The following SYNE1 variants were observed in gnomAD, a reference collection of about 807,000 sequenced individuals.
The protein encoded by SYNE1 is nesprin-1.
In SYNE1, 616 loss-of-function variants were observed where a neutral mutation model predicts 1,111.0. The observed-to-expected ratio is 0.55, with a 90% CI of 0.52 to 0.59. The LOEUF (loss-of-function observed/expected upper bound fraction) is 0.59. Ranked by LOEUF, SYNE1 falls within the 20% of genes least tolerant of loss-of-function variation. The pLI is 0.00. For missense variants in SYNE1, 10,006 were observed against 10,417.0 expected (o/e 0.96, Z 1.72); for synonymous variants, 3,855 against 3,825.8 (o/e 1.01, Z -0.28).
At chr6:152,318,326 G>A (rs1435699510) in intron 85 of SYNE1, 63 bp from the exon 86 acceptor site, 59 of 1,575,590 alleles carry the variant, frequency 3.7e-5, no homozygotes, top group Middle Eastern at 3.3e-4. Context: ...CAGGTTTCCC[G>A]AGATCAGACT....
chr6:152,147,970 T>A, intron 137 of SYNE1, 75 bp downstream of exon 137: 1 of 1,241,998 alleles, frequency 8.1e-7, no homozygotes, highest in Non-Finnish European at 1.2e-6. Context: ...TCTGGATAGC[T>A]GTCATGTTTC....
chr6:152,423,977 T>C (rs1173123410), intron 39 of SYNE1, among the ~76,000 whole-genome samples: 1 of 152,222 alleles, frequency 6.6e-6, no homozygotes, highest in Non-Finnish European at 1.5e-5. Context: ...CCCTGTTTTG[T>C]TGTCTTCATA....
chr6:152,580,603 T>C (rs1245032198), intron 3 of SYNE1, among the ~76,000 whole-genome samples: 1 of 152,206 alleles, frequency 6.6e-6, no homozygotes, highest in Non-Finnish European at 1.5e-5. Flanking sequence ...ATGTCTAGAA[T>C]AGTATTTCTT....
rs1490708968 is a variant in SYNE1, at chr6:152,336,862, C to G, written c.12507G>C (p.Gln4169His). ...RHSELELNIA[Q>H]NMVSQVKDFV... ...CCACCTTAACTTGTGAAACCATGTT[C>G]TGTGCAATGTTCAGCTCCAGCTCAG... Residue 4169 changes from glutamine (Q) to histidine (H), a missense_variant, in exon 76 of 146, where the codon CAG becomes CAC. Gln to His is a conservative substitution (Grantham distance 24). Transcript: ENST00000367255. 1 of 1,613,874 alleles carries G rather than the reference C, an allele frequency of 6.2e-7. No individual in the cohort carries two copies. Among genetic ancestry groups the G allele is most frequent in the East Asian group, 2.2e-5 (1 of 44,888 alleles).
chr6:152,302,092 T>G, intron 91 of SYNE1, 29 bp from the exon 92 acceptor site: 1 of 1,613,798 alleles, frequency 6.2e-7, no homozygotes, highest in Non-Finnish European at 8.5e-7. Context: ...CACCGGGGTG[T>G]CAGAGCAGCA....
chr6:152,224,776 T>C, intron 116 of SYNE1, 112 bp from the exon 117 acceptor site: 1 of 1,123,854 alleles, frequency 8.9e-7, no homozygotes, highest in Non-Finnish European at 1.3e-6. Flanking sequence ...GGGTTTCAGG[T>C]ATCATAAACA....
chr6:152,135,346 G>T, intron 141 of SYNE1, 114 bp from the exon 142 acceptor site: 2 of 1,155,902 alleles, frequency 1.7e-6, no homozygotes, highest in Non-Finnish European at 2.5e-6. Context: ...GAACATACAT[G>T]CAACTCCTTT....
At chr6:152,339,218 A>T (rs1360800399) in intron 75 of SYNE1, 23 bp downstream of exon 75, 6 of 1,612,264 alleles carry the variant, frequency 3.7e-6, no homozygotes, top group Middle Eastern at 1.7e-4. Context: ...AAACAAATTC[A>T]ATGTGATTTT....
rs146280967 is a variant in SYNE1, at chr6:152,189,385, C to T, written c.23168G>A (p.Ser7723Asn). Reference protein sequence around the residue: ...RCKELENAVGSWTDDLTQLSL... With the variant: ...RCKELENAVGNWTDDLTQLSL... The stretch of plus-strand genomic sequence containing the variant: ...CAACTGGGTCAAGTCATCTGTCCAG[C>T]TCCCAACTGCATTTTCTAATTCCTA... Residue 7723 changes from serine (S) to asparagine (N), a missense_variant, in exon 128 of 146, where the codon AGC becomes AAC. By Grantham distance (46) the Ser-to-Asn change is conservative. Around this residue, in one of 7 missense-constraint regions of SYNE1, gnomAD observed 2,182 missense variants for 2,287.8 expected, o/e 0.95. Transcript: ENST00000367255. 27 of 1,613,992 alleles carry T rather than the reference C, an allele frequency of 1.7e-5. No homozygotes were observed. Among genetic ancestry groups the T allele is most frequent in the African/African-American group, 9.3e-5 (7 of 74,918 alleles).
chr6:152,630,682 T>G (rs2099696482), intron 2 of SYNE1, among the ~76,000 whole-genome samples: 1 of 152,234 alleles, frequency 6.6e-6, no homozygotes, highest in African/African-American at 2.4e-5. Context: ...TATCTGCATG[T>G]ATGTTAAAGA....
Position 152,534,199 on chromosome 6 carries a change from AATG to A in SYNE1, c.129+5758_129+5760del, listed in dbSNP as rs201102861. Among the ~76,000 whole-genome samples, 823 of 148,910 alleles carry A rather than the reference AATG, an allele frequency of 5.5e-3. 6 individuals carry two copies. The highest frequency in any genetic ancestry group is 0.019 in the African/African-American group (769 of 40,888). On this transcript the variant is annotated intron_variant, in intron 4 of 145. Transcript: ENST00000367255. Reference sequence around the variant, plus strand: ...GAATGAATGAATGAATGAATGAATGAATGAATAAATAAATAAATAAAATAATAT... The same window carrying A: ...GAATGAATGAATGAATGAATGAATGAAATAAATAAATAAATAAAATAATAT...
intron 3 of SYNE1, among the ~76,000 whole-genome samples, chr6:152,622,717 C>T (rs368383021): frequency 1.3e-5 from 2 of 152,226 alleles, no homozygotes; most frequent in Admixed American, 6.5e-5. Context: ...AGTAGTGCTG[C>T]GATGAACATA....
intron 3 of SYNE1, among the ~76,000 whole-genome samples, chr6:152,583,087 G>A (rs2099525891): frequency 6.6e-6 from 1 of 152,102 alleles, no homozygotes; most frequent in South Asian, 2.1e-4. Flanking sequence ...TATTGACAAA[G>A]ACCAATAAAT....
chr6:152,192,279 A>G, intron 127 of SYNE1, among the ~76,000 whole-genome samples: 1 of 139,064 alleles, frequency 7.2e-6, no homozygotes, highest in East Asian at 2.1e-4. Flanking sequence ...TGCAGTGCAG[A>G]TTAACTCCAG....
At chr6:152,451,275 G>A in intron 25 of SYNE1, 70 bp from the exon 26 acceptor site, 1 of 1,466,124 alleles carries the variant, frequency 6.8e-7, no homozygotes. Flanking sequence ...AATTGAAGTG[G>A]CAAAAAAAAA....
intron 135 of SYNE1, among the ~76,000 whole-genome samples, chr6:152,150,769 C>T (rs751280050): frequency 2.0e-5 from 3 of 152,110 alleles, no homozygotes; most frequent in Non-Finnish European, 4.4e-5. Flanking sequence ...GTGAAAAATA[C>T]AAAATGTGTT....
At chr6:152,434,133 CTGAGAA>C (rs1463439318) in intron 33 of SYNE1, 188 bp from the exon 34 acceptor site, 9 of 602,106 alleles carry the variant, frequency 1.5e-5, no homozygotes, top group African/African-American at 1.5e-4. Context: ...CCTATCTTCT[CTGAGAA>C]TGAACATTTA....
At chr6:152,238,335 C>T (rs546614048) in intron 108 of SYNE1, among the ~76,000 whole-genome samples, 1 of 152,150 alleles carries the variant, frequency 6.6e-6, no homozygotes, top group African/African-American at 2.4e-5. Context: ...TGCTCCCAGA[C>T]TCATTGCTGA....
Position 152,484,901 on chromosome 6 carries a change from G to A in SYNE1, c.1119C>T (p.His373=), listed in dbSNP as rs886061217. The part of the protein sequence containing the change: ...KQIEHLIQPL[H]RDGKLSLDQA... ...GGTCAAGTGACAATTTACCGTCTCT[G>A]TGTAATGGTTGTATTAAATGTTCAA... is the stretch of plus-strand genomic sequence containing the variant. The change falls in exon 13 of 146, where the codon CAC becomes CAT. Residue 373 remains histidine, a synonymous_variant. Coordinates refer to ENST00000367255, the MANE Select transcript of SYNE1 (RefSeq NM_182961.4). 1 of 1,613,776 alleles carries A rather than the reference G, an allele frequency of 6.2e-7. No homozygotes were observed. Among genetic ancestry groups the A allele is most frequent in the Non-Finnish European group, 8.5e-7 (1 of 1,179,876 alleles).
Sources: allele counts gnomAD v4.1 joint callset (sites outside exome capture counted in the v4.1 genomes callset), GRCh38; gene constraint gnomAD v4.1.1; regional missense constraint gnomAD v4.1.1; transcripts MANE v1.5; gene names NCBI Gene and HGNC (gene_info 2026-07-23, HGNC 2026-07-21).